KIAA0825: variants seen among roughly 807,000 people sequenced by gnomAD.
KIAA0825 encodes KIAA0825.
A neutral mutation model predicts 147.6 loss-of-function variants in KIAA0825; 119 were observed. The observed-to-expected ratio is 0.81, with a 90% CI of 0.69 to 0.94. KIAA0825 has a LOEUF of 0.94. Ranked by LOEUF, KIAA0825 falls within the 40% of genes least tolerant of loss-of-function variation. KIAA0825 has a pLI of 0.00. For missense variants in KIAA0825, 1,381 were observed against 1,472.7 expected (o/e 0.94, Z 1.02); for synonymous variants, 470 against 518.1 (o/e 0.91, Z 1.26).
chr5:94,154,925 CT>C (rs1766894728), intron 20 of KIAA0825, among the ~76,000 whole-genome samples: 1 of 152,194 alleles, frequency 6.6e-6, no homozygotes, highest in African/African-American at 2.4e-5. Context: ...CCTATCCTCA[CT>C]CTTATTTCTA....
In KIAA0825 at chr5:94,478,451, T is replaced by TCACACACA. The variant is rs6149119; in HGVS notation, c.1133-1254_1133-1247dup. Among the ~76,000 whole-genome samples, 727 of 146,246 alleles carry TCACACACA rather than the reference T, an allele frequency of 5.0e-3. 7 individuals are homozygous for TCACACACA. Among genetic ancestry groups the TCACACACA allele is most frequent in the Middle Eastern group, 0.017 (5 of 288 alleles). On this transcript the variant is annotated intron_variant, in intron 6 of 20. Coordinates refer to ENST00000682413, the MANE Select transcript of KIAA0825 (RefSeq NM_001145678.3). ...TGACTGTATGGCAGGCACATGTGCA[T>TCACACACA]CACACACACACACACACACACACAC... is the stretch of plus-strand genomic sequence containing the variant.
At chr5:94,335,989 G>A (rs1282951215) in intron 20 of KIAA0825, among the ~76,000 whole-genome samples, 1 of 152,094 alleles carries the variant, frequency 6.6e-6, no homozygotes, top group Non-Finnish European at 1.5e-5. Flanking sequence ...GCTCATATAT[G>A]GCTTAGTATA....
intron 14 of KIAA0825, among the ~76,000 whole-genome samples, chr5:94,420,271 A>T (rs1754011240): frequency 6.6e-6 from 1 of 152,150 alleles, no homozygotes; most frequent in Non-Finnish European, 1.5e-5. Context: ...TATGAGGAAT[A>T]GTTCTATGGA....
intron 20 of KIAA0825, among the ~76,000 whole-genome samples, chr5:94,191,133 A>G (rs111558824): frequency 3.9e-5 from 6 of 152,282 alleles, no homozygotes; most frequent in African/African-American, 1.4e-4. Context: ...TATTTTTTCT[A>G]TAGAAAAGGA....
At chr5:94,443,384 G>A (rs563625262) in intron 13 of KIAA0825, among the ~76,000 whole-genome samples, 118 of 146,850 alleles carry the variant, frequency 8.0e-4, no homozygotes, top group Middle Eastern at 7.0e-3. Context: ...ACACACACAC[G>A]TATGTATGTA....
chr5:94,385,988 G>GTTCCCTCTGCCCATGGTAAAC (rs1395915181), intron 19 of KIAA0825, among the ~76,000 whole-genome samples: 1 of 152,174 alleles, frequency 6.6e-6, no homozygotes, highest in Non-Finnish European at 1.5e-5. Flanking sequence ...CCTAACAGAT[G>GTTCCCTCTGCCCATGGTAAAC]TTCCCTCTGC....
chr5:94,485,580 A>G (rs1762956569), intron 5 of KIAA0825, among the ~76,000 whole-genome samples: 1 of 151,752 alleles, frequency 6.6e-6, no homozygotes. Context: ...AATACATAAG[A>G]GTGTCTGCGG....
intron 20 of KIAA0825, among the ~76,000 whole-genome samples, chr5:94,223,556 C>A (rs1045488240): frequency 2.0e-5 from 3 of 152,182 alleles, no homozygotes; most frequent in African/African-American, 7.2e-5. Flanking sequence ...ATGTTAATCA[C>A]TTGACAAACG....
intron 2 of KIAA0825, among the ~76,000 whole-genome samples, chr5:94,565,885 T>C (rs1561324511): frequency 6.6e-6 from 1 of 152,218 alleles, no homozygotes; most frequent in African/African-American, 2.4e-5. Flanking sequence ...TCATTTATTC[T>C]TCCTGTCTAA....
intron 20 of KIAA0825, among the ~76,000 whole-genome samples, chr5:94,367,165 T>C (rs576586127): frequency 6.6e-6 from 1 of 152,332 alleles, no homozygotes; most frequent in African/African-American, 2.4e-5. Context: ...TTATTCCTAA[T>C]TAAATGGGGA....
intron 15 of KIAA0825, among the ~76,000 whole-genome samples, chr5:94,406,838 C>G (rs934525911): frequency 6.6e-6 from 1 of 152,118 alleles, no homozygotes; most frequent in African/African-American, 2.4e-5. Flanking sequence ...GTCTTTTGAC[C>G]TATACACAAC....
chr5:94,222,308 A>G (rs1013643704), intron 20 of KIAA0825, among the ~76,000 whole-genome samples: 3 of 152,196 alleles, frequency 2.0e-5, no homozygotes, highest in African/African-American at 7.2e-5. Context: ...GATTCACTGG[A>G]GATAATGTTT....
At chr5:94,493,670 A>C (rs1763993862) in intron 5 of KIAA0825, among the ~76,000 whole-genome samples, 1 of 152,050 alleles carries the variant, frequency 6.6e-6, no homozygotes, top group South Asian at 2.1e-4. Context: ...TTGTATTTTT[A>C]GTAGAGACGG....
chr5:94,153,953 A>G lies in KIAA0825; in HGVS notation c.*54T>C, dbSNP rs1444278344. On this transcript the variant is annotated 3_prime_UTR_variant, in exon 21 of 21. Transcript: ENST00000682413. ...CATTCTGACTATGGTAAAAAATCCTACTCCATTACATGGGATTGTTTCCTA... is the reference window on the plus strand; with the variant it reads ...CATTCTGACTATGGTAAAAAATCCTGCTCCATTACATGGGATTGTTTCCTA... The G allele has an allele frequency of 1.6e-6, 2 of 1,239,252 alleles. No individual in the cohort carries two copies. Among genetic ancestry groups the G allele is most frequent in the South Asian group, 1.3e-5 (1 of 77,212 alleles). 76.8% of individuals were successfully genotyped at this position (1,239,252 alleles called of 1,614,324 possible). A position where few individuals can be genotyped will look rare whatever the true frequency, so the allele number is the denominator to read the frequency against.
intron 20 of KIAA0825, among the ~76,000 whole-genome samples, chr5:94,249,460 T>C (rs1056857378): frequency 6.6e-6 from 1 of 152,098 alleles, no homozygotes; most frequent in Admixed American, 6.6e-5. Context: ...TGAGGCCTCT[T>C]GTTAAAAATG....
intron 20 of KIAA0825, among the ~76,000 whole-genome samples, chr5:94,185,328 A>C (rs977021483): frequency 6.6e-6 from 1 of 152,332 alleles, no homozygotes; most frequent in Non-Finnish European, 1.5e-5. Flanking sequence ...AATTAACCAC[A>C]TAGAGCCTTG....
chr5:94,187,825 C>T (rs988270981), intron 20 of KIAA0825, among the ~76,000 whole-genome samples: 2 of 152,116 alleles, frequency 1.3e-5, no homozygotes, highest in African/African-American at 2.4e-5. Context: ...ATGATAGTAA[C>T]TCTTAAGTTA....
chr5:94,245,576 A>G (rs1402046181), intron 20 of KIAA0825, among the ~76,000 whole-genome samples: 1 of 152,068 alleles, frequency 6.6e-6, no homozygotes, highest in Non-Finnish European at 1.5e-5. Context: ...ACCAAGTTCT[A>G]GGCCATTTAT....
chr5:94,580,026 C>T (rs1781787572), intron 2 of KIAA0825, among the ~76,000 whole-genome samples: 3 of 152,026 alleles, frequency 2.0e-5, no homozygotes, highest in Non-Finnish European at 4.4e-5. Flanking sequence ...AATAATAATG[C>T]TATATCAGAG....
Sources: gnomAD v4.1 joint callset for allele counts (sites outside exome capture counted in the v4.1 genomes callset) on GRCh38, gnomAD v4.1.1 for gene constraint, MANE v1.5 for transcripts, NCBI Gene and HGNC (gene_info 2026-07-23, HGNC 2026-07-21) for gene names.